METTL15: variants seen among roughly 807,000 people sequenced by gnomAD.
METTL15 encodes the protein 12S rRNA N(4)-cytidine methyltransferase METTL15.
A neutral mutation model predicts 38.3 loss-of-function variants in METTL15; 34 were observed. That is an observed-to-expected ratio of 0.89 (90% confidence interval 0.68 to 1.18). The LOEUF is 1.18. METTL15 is among the 50% of genes most tolerant of loss of function. METTL15 has a pLI of 0.00. For missense variants in METTL15, 438 were observed against 498.4 expected, an observed-to-expected ratio of 0.88 and a Z score of 1.15; for synonymous variants, 162 against 170.9, an observed-to-expected ratio of 0.95 and a Z score of 0.41.
At chr11:28,305,937 T>C (rs1857069253) in intron 6 of METTL15, among the ~76,000 whole-genome samples, 1 of 151,854 alleles carries the variant, frequency 6.6e-6, no homozygotes, top group Admixed American at 6.6e-5. Context: ...AATGAACAAA[T>C]AAATGAAGAA....
intron 5 of METTL15, among the ~76,000 whole-genome samples, chr11:28,362,990 C>A (rs746931853): frequency 6.6e-6 from 1 of 152,120 alleles, no homozygotes; most frequent in Non-Finnish European, 1.5e-5. Context: ...TATAAACTTT[C>A]CCTTTTCTTT....
chr11:28,140,507 A>C (rs957622176), intron 3 of METTL15, among the ~76,000 whole-genome samples: 4 of 152,142 alleles, frequency 2.6e-5, no homozygotes, highest in Admixed American at 6.5e-5. Flanking sequence ...CAGAAATGAA[A>C]GCAAAAGGTT....
intron 6 of METTL15, among the ~76,000 whole-genome samples, chr11:28,502,255 A>G (rs1241153710): frequency 2.0e-5 from 3 of 152,178 alleles, no homozygotes; most frequent in Non-Finnish European, 4.4e-5. Flanking sequence ...TAATTTACTA[A>G]AAAAAGGTTT....
chr11:28,378,430 C>G (rs922274756), intron 5 of METTL15, among the ~76,000 whole-genome samples: 5 of 152,352 alleles, frequency 3.3e-5, no homozygotes, highest in Non-Finnish European at 5.9e-5. Context: ...AGGTGCCATT[C>G]GTCACCCCTT....
intron 5 of METTL15, among the ~76,000 whole-genome samples, chr11:28,415,552 G>C (rs1328747143): frequency 6.6e-6 from 1 of 152,190 alleles, no homozygotes; most frequent in African/African-American, 2.4e-5. Context: ...CTTGTTCAAA[G>C]TGGCACAACT....
intron 5 of METTL15, among the ~76,000 whole-genome samples, chr11:28,412,466 C>T (rs1056560111): frequency 6.6e-6 from 1 of 151,696 alleles, no homozygotes; most frequent in African/African-American, 2.4e-5. Flanking sequence ...AGAGAGCTCA[C>T]ATTTTCTGTT....
At chr11:28,300,640 CA>C (rs1295221996) in intron 6 of METTL15, among the ~76,000 whole-genome samples, 3 of 152,004 alleles carry the variant, frequency 2.0e-5, no homozygotes, top group Non-Finnish European at 4.4e-5. Flanking sequence ...AAGAGAATTC[CA>C]AAAACAACCT....
At chr11:28,117,011 A>G (rs1851991416) in intron 3 of METTL15, among the ~76,000 whole-genome samples, 2 of 152,142 alleles carry the variant, frequency 1.3e-5, no homozygotes, top group African/African-American at 2.4e-5. Flanking sequence ...GACTCCAAAT[A>G]TACATGAAAA....
intron 3 of METTL15, among the ~76,000 whole-genome samples, chr11:28,175,910 A>AAT (rs34260210): frequency 0.03 from 4,490 of 149,678 alleles, 167 homozygotes; most frequent in African/African-American, 0.087. Flanking sequence ...TAAATGTGCA[A>AAT]ATATATATAT....
At chr11:28,186,414 T>C (rs1851495828) in intron 3 of METTL15, among the ~76,000 whole-genome samples, 2 of 151,328 alleles carry the variant, frequency 1.3e-5, no homozygotes, top group East Asian at 3.9e-4. Context: ...TAATAATCTT[T>C]CTTTACAGCA....
chr11:28,186,300 A>G (rs1242535587), intron 3 of METTL15, among the ~76,000 whole-genome samples: 1 of 151,358 alleles, frequency 6.6e-6, no homozygotes, highest in Non-Finnish European at 1.5e-5. Flanking sequence ...AACAGCAAGT[A>G]TAGCCAACCT....
At chr11:28,139,521 G>T (rs191845728) in intron 3 of METTL15, among the ~76,000 whole-genome samples, 2 of 152,090 alleles carry the variant, frequency 1.3e-5, no homozygotes, top group African/African-American at 4.8e-5. Flanking sequence ...GGAATTATCC[G>T]CATTTACCCA....
At chr11:28,328,746 A>G (rs1025784642) in intron 6 of METTL15, among the ~76,000 whole-genome samples, 5 of 152,122 alleles carry the variant, frequency 3.3e-5, no homozygotes, top group African/African-American at 7.2e-5. Context: ...ATTTTTGCCT[A>G]TCTCAATTAT....
At chr11:28,375,474 C>G (rs1042995627) in intron 5 of METTL15, among the ~76,000 whole-genome samples, 5 of 151,740 alleles carry the variant, frequency 3.3e-5, no homozygotes, top group Non-Finnish European at 7.4e-5. Flanking sequence ...GTAGTATTCT[C>G]TGATGGTAGT....
chr11:28,454,566 A>G (rs567662376), intron 6 of METTL15, among the ~76,000 whole-genome samples: 7 of 152,264 alleles, frequency 4.6e-5, no homozygotes, highest in South Asian at 2.1e-4. Context: ...AAGCCATCCT[A>G]AGTCATTTAG....
At chr11:28,180,440 CTG>C (rs1851240987) in intron 3 of METTL15, among the ~76,000 whole-genome samples, 1 of 151,714 alleles carries the variant, frequency 6.6e-6, no homozygotes, top group African/African-American at 2.4e-5. Context: ...TAATCTAAAA[CTG>C]TAATTAGTTG....
At chr11:28,522,055 G>C (rs187282223) in intron 6 of METTL15, among the ~76,000 whole-genome samples, 3 of 152,178 alleles carry the variant, frequency 2.0e-5, no homozygotes, top group African/African-American at 7.2e-5. Flanking sequence ...AATGAATGCT[G>C]TATCATTAAA....
Position 28,370,643 on chromosome 11 carries a change from A to G in METTL15, c.*358+8607A>G, listed in dbSNP as rs369421342. 7.9e-5 allele frequency among the ~76,000 whole-genome samples: 12 copies of G among 152,092 alleles called. No individual in the cohort carries two copies. The South Asian group carries it at 1.9e-3, about 24-fold the overall frequency. On this transcript the variant is annotated intron_variant and NMD_transcript_variant, in intron 5 of 7. Transcript: ENST00000532947. ...TGAGAAACGTTCATACATTTTCCAT[A>G]GTGACTGTGTTAATTTACATACTCA...
At chr11:28,209,844 A>G (rs956673446) in intron 3 of METTL15, among the ~76,000 whole-genome samples, 1 of 152,030 alleles carries the variant, frequency 6.6e-6, no homozygotes, top group Non-Finnish European at 1.5e-5. Context: ...TTCCCTTGTT[A>G]TGTACTATGC....
Sources: allele counts gnomAD v4.1 joint callset (sites outside exome capture counted in the v4.1 genomes callset), GRCh38; gene constraint gnomAD v4.1.1; transcripts MANE v1.5; gene names NCBI Gene and HGNC (gene_info 2026-07-23, HGNC 2026-07-21).